ZNF420: variants seen among roughly 807,000 people sequenced by gnomAD.
ZNF420 encodes ATM and p53-associated KZNF protein.
In ZNF420, 31 loss-of-function variants were observed where a neutral mutation model predicts 44.7. That is an observed-to-expected ratio of 0.69 (90% CI 0.52 to 0.94). The LOEUF is 0.94. ZNF420 is among the 40% of genes least tolerant of loss of function. The probability of loss-of-function intolerance (pLI) is 0.00; values close to 1 mark genes in which losing one functional copy is unlikely to be tolerated. For synonymous variants in ZNF420, 245 were observed against 267.4 expected (o/e 0.92, Z 0.82); for missense variants, 681 against 827.9 (o/e 0.82, Z 2.18).
chr19:37,059,207 C>T (rs1967819354), intron 1 of ZNF420, among the ~76,000 whole-genome samples: 1 of 152,196 alleles, frequency 6.6e-6, no homozygotes, highest in Admixed American at 6.5e-5. Context: ...CTGGGACGCC[C>T]GCGGCCCCCT....
intron 4 of ZNF420, among the ~76,000 whole-genome samples, chr19:37,104,687 G>A (rs1969976417): frequency 6.6e-6 from 1 of 152,186 alleles, no homozygotes; most frequent in Non-Finnish European, 1.5e-5. Context: ...TCTAAGTGGT[G>A]TGAGATGGTA....
At chr19:37,106,220 C>A (rs924822695) in intron 4 of ZNF420, among the ~76,000 whole-genome samples, 1 of 152,108 alleles carries the variant, frequency 6.6e-6, no homozygotes, top group African/African-American at 2.4e-5. Flanking sequence ...GAGTTTTTAG[C>A]ATGAAGGGCT....
intron 4 of ZNF420, among the ~76,000 whole-genome samples, chr19:37,104,388 A>T (rs557228259): frequency 6.6e-6 from 1 of 152,130 alleles, no homozygotes; most frequent in Admixed American, 6.6e-5. Flanking sequence ...TCTATCATTG[A>T]TGGACATTTG....
At chr19:37,010,796 C>T (rs1438342141) in intron 1 of ZNF420, among the ~76,000 whole-genome samples, 2 of 152,112 alleles carry the variant, frequency 1.3e-5, no homozygotes, top group African/African-American at 4.8e-5. Flanking sequence ...TCATCTCCAT[C>T]CTGAGCGGCC....
At chr19:37,072,012 C>T (rs1356118458) in intron 1 of ZNF420, among the ~76,000 whole-genome samples, 1 of 152,082 alleles carries the variant, frequency 6.6e-6, no homozygotes, top group Non-Finnish European at 1.5e-5. Flanking sequence ...ACTCAATTTC[C>T]TCCAATGGAC....
intron 2 of ZNF420, among the ~76,000 whole-genome samples, chr19:37,088,422 T>C (rs1203775817): frequency 6.6e-6 from 1 of 152,230 alleles, no homozygotes; most frequent in African/African-American, 2.4e-5. Context: ...AAGGCTCTAC[T>C]TCGCTTAAGA....
At chr19:37,016,024 G>T (rs1204227362) in intron 1 of ZNF420, among the ~76,000 whole-genome samples, 1 of 152,272 alleles carries the variant, frequency 6.6e-6, no homozygotes, top group Middle Eastern at 3.4e-3. Context: ...CATGTCATGA[G>T]TGTTTCCTCC....
intron 1 of ZNF420, among the ~76,000 whole-genome samples, chr19:37,024,463 T>G (rs577961344): frequency 1.3e-5 from 2 of 152,176 alleles, no homozygotes; most frequent in African/African-American, 4.8e-5. Context: ...TTTGTTTGTT[T>G]TTTTGAGACA....
Position 37,127,391 on chromosome 19 carries a change from T to G in ZNF420, c.400T>G (p.Ser134Ala). The G allele has an allele frequency of 1.9e-6, 3 of 1,613,866 alleles. No homozygotes were observed. Among genetic ancestry groups the G allele is most frequent in the Non-Finnish European group, 2.5e-6 (3 of 1,179,800 alleles). The change falls in exon 5 of 5, where the codon TCT (serine) becomes GCT (alanine). Residue 134 changes from serine to alanine, a missense_variant. Physicochemically the swap from Ser to Ala is moderately conservative, Grantham distance 99 (BLOSUM62 1). Coordinates refer to ENST00000337995, the MANE Select transcript of ZNF420 (RefSeq NM_144689.5). Reference sequence around the variant, plus strand: ...CTTATCTCAACATTCAAGATGTCATTCTACTGAGAAACCCTATAAATGTAA... The same window carrying G: ...CTTATCTCAACATTCAAGATGTCATGCTACTGAGAAACCCTATAAATGTAA... Reference protein sequence around the residue: ...TYLSQHSRCHSTEKPYKCKEC... With the variant: ...TYLSQHSRCHATEKPYKCKEC...
At chr19:37,089,344 A>C (rs1001404567) in intron 3 of ZNF420, among the ~76,000 whole-genome samples, 1 of 152,214 alleles carries the variant, frequency 6.6e-6, no homozygotes, top group Admixed American at 6.5e-5. Flanking sequence ...TATATTGTTC[A>C]GTAATCTTTG....
intron 4 of ZNF420, among the ~76,000 whole-genome samples, chr19:37,122,299 TCATGTCCTTTATAGGGA>T (rs562357888): frequency 1.4e-3 from 217 of 152,292 alleles, no homozygotes; most frequent in African/African-American, 4.6e-3. Context: ...AATGATGAGT[TCATGTCCTTTATAGGGA>T]CATGGATGAA....
intron 4 of ZNF420, among the ~76,000 whole-genome samples, chr19:37,109,185 T>C (rs775499704): frequency 1.4e-4 from 21 of 152,170 alleles, no homozygotes; most frequent in Non-Finnish European, 2.4e-4. Context: ...CGATACCCAG[T>C]AGAAATATTT....
At chr19:37,086,918 A>G (rs1016240218) in intron 2 of ZNF420, among the ~76,000 whole-genome samples, 2 of 152,028 alleles carry the variant, frequency 1.3e-5, no homozygotes, top group South Asian at 2.1e-4. Flanking sequence ...TTTTTATTGG[A>G]ATGGTTGAAC....
chr19:37,046,308 T>C (rs1967541411), intron 1 of ZNF420, among the ~76,000 whole-genome samples: 1 of 152,180 alleles, frequency 6.6e-6, no homozygotes, highest in African/African-American at 2.4e-5. Context: ...TATGGCACAG[T>C]AATTCCTCTA....
At chr19:37,021,852 G>T (rs1030847220) in intron 1 of ZNF420, among the ~76,000 whole-genome samples, 1 of 145,712 alleles carries the variant, frequency 6.9e-6, no homozygotes, top group Admixed American at 7.1e-5. Context: ...CAGGAGAATC[G>T]CTTGAACCCA....
Position 37,037,476 on chromosome 19 carries a change from C to T in ZNF420, c.-125+29394C>T, listed in dbSNP as rs562137519. The stretch of plus-strand genomic sequence containing the variant: ...CTGTGCTGCCAGTAAACTCAAGCTA[C>T]ACTTTCTGCCCCAGGGCATCTCCAT... On this transcript the variant is annotated intron_variant, in intron 1 of 4. Coordinates refer to the ZNF420 transcript ENST00000587029. 3.9e-5 allele frequency among the ~76,000 whole-genome samples: 6 copies of T among 152,354 alleles called. No individual in the cohort carries two copies. The South Asian group carries it at 1.2e-3, about 32-fold the overall frequency.
intron 1 of ZNF420, among the ~76,000 whole-genome samples, chr19:37,068,754 G>A: frequency 6.6e-6 from 1 of 152,274 alleles, no homozygotes; most frequent in Non-Finnish European, 1.5e-5. Flanking sequence ...GAAGCATATA[G>A]AAAGACTGAA....
intron 1 of ZNF420, among the ~76,000 whole-genome samples, chr19:37,049,528 C>T (rs1967601001): frequency 6.6e-6 from 1 of 152,172 alleles, no homozygotes; most frequent in African/African-American, 2.4e-5. Context: ...TGAGAAGTGT[C>T]TGTTCATATC....
chr19:37,091,078 T>C lies in ZNF420; in HGVS notation c.93T>C (p.Tyr31=). The change falls in exon 4 of 5, where the codon TAT becomes TAC. Residue 31 remains tyrosine (Y), a synonymous_variant. Coordinates refer to ENST00000337995, the MANE Select transcript of ZNF420 (RefSeq NM_144689.5). The stretch of plus-strand genomic sequence containing the variant: ...TGGACTCTGCTCAGAGAGATTTGTA[T>C]AGAGATGTGATGTTGGAGAACTATA... ...ECLDSAQRDL[Y]RDVMLENYSN... 6.2e-7 allele frequency: 1 copy of C among 1,609,092 alleles called. No homozygotes were observed. Among genetic ancestry groups the C allele is most frequent in the Middle Eastern group, 1.7e-4 (1 of 6,042 alleles).
Sources: gnomAD v4.1 joint callset for allele counts (sites outside exome capture counted in the v4.1 genomes callset) on GRCh38, gnomAD v4.1.1 for gene constraint, MANE v1.5 for transcripts, NCBI Gene and HGNC (gene_info 2026-07-23, HGNC 2026-07-21) for gene names.